The following SCAF1 variants were observed in gnomAD, a reference collection of about 807,000 sequenced individuals.
The protein encoded by SCAF1 is SR-related CTD associated factor 1.
SCAF1 carries 28 observed loss-of-function variants against 91.2 expected under a neutral mutation model. That is an observed-to-expected ratio of 0.31 (90% confidence interval 0.23 to 0.42). The LOEUF (loss-of-function observed/expected upper bound fraction) is 0.42, where lower values mean the gene tolerates loss of function less well. Ranked by LOEUF, SCAF1 falls within the 10% of genes least tolerant of loss-of-function variation. The pLI, the probability that SCAF1 is intolerant of heterozygous loss-of-function variation, is 1.00. For missense variants in SCAF1, 1,893 were observed against 1,872.1 expected, an observed-to-expected ratio of 1.01 and a Z score of -0.21; for synonymous variants, 1,036 against 833.7, an observed-to-expected ratio of 1.24 and a Z score of -4.18.
chr19:49,654,061 G>A (rs1478989718), intron 7 of SCAF1, among the ~76,000 whole-genome samples: 1 of 152,174 alleles, frequency 6.6e-6, no homozygotes, highest in African/African-American at 2.4e-5. Flanking sequence ...GAGAGAGGTT[G>A]GGACTGGCCA....
Position 49,653,249 on chromosome 19 carries a change from G to T in SCAF1, c.2860G>T (p.Ala954Ser). 2 of 1,492,398 alleles carry T rather than the reference G, an allele frequency of 1.3e-6. No homozygotes were observed. Among genetic ancestry groups the T allele is most frequent in the Non-Finnish European group, 1.8e-6 (2 of 1,119,424 alleles). The allele number at this position is 1,492,398 out of a possible 1,614,324, so 92.4% of individuals were successfully genotyped here. The change falls in exon 7 of 11, where the codon GCA (alanine) becomes TCA (serine). Residue 954 changes from alanine to serine, a missense_variant. By Grantham distance (99) the Ala-to-Ser change is moderately conservative. Transcript: ENST00000360565. ...CAAGGCGGATAGCTGCAGCCAGGCG[G>T]CAGGCACCAAGGGGGCGGAGGAGAC... The part of the protein sequence containing the change: ...KSKADSCSQA[A>S]GTKGAEETSW...
chr19:49,650,779 C>A, intron 6 of SCAF1, 89 bp from the exon 7 acceptor site: 1 of 1,044,248 alleles, frequency 9.6e-7, no homozygotes, highest in Non-Finnish European at 1.4e-6. Context: ...GACCTGGTGG[C>A]CCAGGGAGTG....
In SCAF1 at chr19:49,655,793, C is replaced by G. The variant is rs576498402; in HGVS notation, c.3618+923C>G. 1.1e-3 allele frequency among the ~76,000 whole-genome samples: 165 copies of G among 152,302 alleles called. 1 individual carries two copies. The highest frequency in any genetic ancestry group is 9.2e-3 in the Admixed American group (141 of 15,302). ...TCAAGGGATCCTCCTACGTCAGCAT[C>G]CTGTGTAGCTAGGACTACAGGCACG... is the stretch of plus-strand genomic sequence containing the variant. On this transcript the variant is annotated intron_variant, in intron 9 of 10. Transcript: ENST00000360565.
At chr19:49,647,311 C>T (rs918398536) in intron 6 of SCAF1, among the ~76,000 whole-genome samples, 2 of 152,232 alleles carry the variant, frequency 1.3e-5, no homozygotes, top group African/African-American at 4.8e-5. Flanking sequence ...CAACGGTAAC[C>T]CTGTGAGCCC....
Position 49,652,520 on chromosome 19 carries a change from G to A in SCAF1, c.2131G>A (p.Asp711Asn). ...IKRTITVGRL[D>N]KSDPRGPSPA... ...GCGGACCATCACGGTGGGCCGGCTT[G>A]ACAAGTCCGACCCCCGAGGACCCTC... Residue 711 changes from aspartate (D) to asparagine (N), a missense_variant, in exon 7 of 11, where the codon GAC (aspartate) becomes AAC (asparagine). Physicochemically the swap from Asp to Asn is conservative, Grantham distance 23. This residue lies in a region of SCAF1 where 1,436 missense variants were observed against 1,306.8 expected (regional missense o/e 1.10). Transcript: ENST00000360565. 6.4e-7 allele frequency: 1 copy of A among 1,573,898 alleles called. No homozygotes were observed. The highest frequency in any genetic ancestry group is 8.6e-7 in the Non-Finnish European group (1 of 1,159,606).
rs1167911917 is a variant in SCAF1 at position 49,652,127 on chromosome 19, TCCCGCTCCA to T, written c.1744_1752del (p.Ser582_Arg584del). The T allele has an allele frequency of 2.5e-5, 28 of 1,119,124 alleles. No individual in the cohort carries two copies. The African/African-American group carries it at 5.0e-4, about 20-fold the overall frequency. 69.3% of individuals were successfully genotyped at this position (1,119,124 alleles called of 1,614,324 possible). On this transcript the variant is annotated inframe_deletion, in exon 7 of 11. Transcript: ENST00000360565. ...CCGCCGCTCCCGCTCCCGCTCCCGCTCCCGCTCCACCCGCCGCCGCTCGCGCAGCACCGA... is the reference window on the plus strand; with the variant it reads ...CCGCCGCTCCCGCTCCCGCTCCCGCTCCCGCCGCCGCTCGCGCAGCACCGA...
rs1023560735 is a variant in SCAF1 at position 49,651,437 on chromosome 19, C to T, written c.1048C>T (p.Arg350Trp). 20 of 1,597,016 alleles carry T rather than the reference C, an allele frequency of 1.3e-5. No individual in the cohort carries two copies. Among genetic ancestry groups the T allele is most frequent in the Non-Finnish European group, 1.7e-5 (20 of 1,172,358 alleles). ...CACCCGGGCTGATGGAGCCATGCGC[C>T]GGCGGGTCTTCGTGGTGGGGACCGA... ...DSTRADGAMR[R>W]RVFVVGTEAE... The change falls in exon 7 of 11, where the codon CGG becomes TGG. Residue 350 changes from arginine (R) to tryptophan (W), a missense_variant. This residue lies in a region of SCAF1 where 1,436 missense variants were observed against 1,306.8 expected (regional missense o/e 1.10). Coordinates refer to ENST00000360565, the MANE Select transcript of SCAF1 (RefSeq NM_021228.3).
In SCAF1 at chr19:49,652,446, T is replaced by A; in HGVS notation, c.2057T>A (p.Val686Glu). ...GDRDSRRRGA[V>E]PPSIQDLTDH... ...CGCGACAGCCGCCGCCGGGGGGCCG[T>A]GCCACCCTCCATCCAGGACCTCACG... The change falls in exon 7 of 11, where the codon GTG becomes GAG. Residue 686 changes from valine (V) to glutamate (E), a missense_variant. Val to Glu is a moderately radical substitution (Grantham distance 121). Around this residue, in one of 5 missense-constraint regions of SCAF1, gnomAD observed 1,436 missense variants for 1,306.8 expected, o/e 1.10. Coordinates refer to ENST00000360565, the MANE Select transcript of SCAF1 (RefSeq NM_021228.3). The A allele has an allele frequency of 6.2e-7, 1 of 1,601,810 alleles. No individual in the cohort carries two copies. Among genetic ancestry groups the A allele is most frequent in the Non-Finnish European group, 8.5e-7 (1 of 1,177,990 alleles).
Position 49,645,977 on chromosome 19 carries a change from A to G in SCAF1, c.167-131A>G. 5.1e-6 allele frequency: 4 copies of G among 781,342 alleles called. No individual in the cohort carries two copies. Among genetic ancestry groups the G allele is most frequent in the Middle Eastern group, 2.3e-4 (1 of 4,416 alleles). The allele number at this position is 781,342 out of a possible 1,614,324, so 48.4% of individuals were successfully genotyped here. ...GGGAAGTCCTCCTGGGAGGTGGCGC[A>G]TGGAGGCCTGGAGAGCATGCGGGAG... is the stretch of plus-strand genomic sequence containing the variant. On this transcript the variant is annotated intron_variant, in intron 3 of 10. Transcript: ENST00000360565. This position sits in a 1 kb window ranked among gnomAD's most constrained non-coding sequence, Gnocchi z 4.6.
At position 49,652,100 on chromosome 19, in the gene SCAF1, C is replaced by T. The variant is rs748497181; in HGVS notation, c.1711C>T (p.Arg571Cys). 6 of 1,127,970 alleles carry T rather than the reference C, an allele frequency of 5.3e-6. No individual in the cohort carries two copies. Among genetic ancestry groups the T allele is most frequent in the African/African-American group, 2.7e-5 (1 of 37,434 alleles). The allele number at this position is 1,127,970 out of a possible 1,614,324, so 69.9% of individuals were successfully genotyped here. A position where few individuals can be genotyped will look rare whatever the true frequency, so the allele number is the denominator to read the frequency against. The change falls in exon 7 of 11, where the codon CGC becomes TGC. Residue 571 changes from arginine to cysteine, a missense_variant. Transcript: ENST00000360565. Reference sequence around the variant, plus strand: ...CGGCTCCCACGCCTCGTCGTCCGCCCGCCGCCGCTCCCGCTCCCGCTCCCG... The same window carrying T: ...CGGCTCCCACGCCTCGTCGTCCGCCTGCCGCCGCTCCCGCTCCCGCTCCCG... ...KPGSHASSSA[R>C]RRSRSRSRSR...
chr19:49,646,841 C>T lies in SCAF1; in HGVS notation c.478+11C>T. Reference sequence around the variant, plus strand: ...GGACGGGCAAAACGGGTATGTGGGGCCAGGGCGGAGCTGGGCAGGTGGTCG... The same window carrying T: ...GGACGGGCAAAACGGGTATGTGGGGTCAGGGCGGAGCTGGGCAGGTGGTCG... On this transcript the variant is annotated intron_variant, in intron 6 of 10. Transcript: ENST00000360565. This position sits in a 1 kb window ranked among gnomAD's most constrained non-coding sequence, Gnocchi z 5.6. 6.2e-7 allele frequency: 1 copy of T among 1,601,470 alleles called. No individual in the cohort carries two copies. Among genetic ancestry groups the T allele is most frequent in the Non-Finnish European group, 8.5e-7 (1 of 1,173,210 alleles).
chr19:49,644,730 A>C (rs981930624), intron 1 of SCAF1: 8 of 260,260 alleles, frequency 3.1e-5, no homozygotes, highest in Non-Finnish European at 5.9e-5. Context: ...AGCTGCGGGA[A>C]TTGAGGAGTG....
chr19:49,654,518 TG>T, intron 8 of SCAF1, 87 bp downstream of exon 8: 2 of 1,422,060 alleles, frequency 1.4e-6, no homozygotes, highest in Non-Finnish European at 2.0e-6. Flanking sequence ...CTGGCAGCTC[TG>T]GGGCAAGGTA....
At position 49,654,329 on chromosome 19, in the gene SCAF1, C is replaced by A; in HGVS notation, c.3317-20C>A. 2 of 1,610,102 alleles carry A rather than the reference C, an allele frequency of 1.2e-6. No homozygotes were observed. Among genetic ancestry groups the A allele is most frequent in the South Asian group, 1.1e-5 (1 of 90,752 alleles). On this transcript the variant is annotated intron_variant, in intron 7 of 10. Transcript: ENST00000360565. ...GTCACCTCTCCCATCTTCATGTTGT[C>A]ACCTCTCTGCCTCCTGCAGTGACTG...
chr19:49,656,725 T>TCATCCCATGGC (rs2122522784), intron 9 of SCAF1, among the ~76,000 whole-genome samples: 1 of 152,294 alleles, frequency 6.6e-6, no homozygotes, highest in South Asian at 2.1e-4. Context: ...CCTCCCCTTT[T>TCATCCCATGGC]CATCCCATGG....
chr19:49,641,733 T>A (rs1271987644), upstream of SCAF1, among the ~76,000 whole-genome samples: 1 of 152,214 alleles, frequency 6.6e-6, no homozygotes, highest in African/African-American at 2.4e-5. Flanking sequence ...TGTGCGCCAC[T>A]GCATCCCGTC....
chr19:49,654,480 G>A, intron 8 of SCAF1, 49 bp downstream of exon 8: 1 of 1,571,724 alleles, frequency 6.4e-7, no homozygotes, highest in Non-Finnish European at 8.7e-7. Context: ...TTTGTCCATT[G>A]CCTCGGGTTA....
chr19:49,653,567 A>G lies in SCAF1; in HGVS notation c.3178A>G (p.Ser1060Gly). 6.3e-7 allele frequency: 1 copy of G among 1,588,766 alleles called. No homozygotes were observed. The highest frequency in any genetic ancestry group is 8.5e-7 in the Non-Finnish European group (1 of 1,171,830). Reference sequence around the variant, plus strand: ...TGCAGCCGCCCCAAGCACTGCCCCCAGCGCGGGGTCCACAGCCGGTGACTC... The same window carrying G: ...TGCAGCCGCCCCAAGCACTGCCCCCGGCGCGGGGTCCACAGCCGGTGACTC... ...TAAAAPSTAP[S>G]AGSTAGDSGA... The change falls in exon 7 of 11, where the codon AGC becomes GGC. Residue 1060 changes from serine to glycine, a missense_variant. Physicochemically the swap from Ser to Gly is moderately conservative, Grantham distance 56. Coordinates refer to ENST00000360565, the MANE Select transcript of SCAF1 (RefSeq NM_021228.3).
intron 9 of SCAF1, among the ~76,000 whole-genome samples, chr19:49,655,999 C>A (rs1159587362): frequency 1.3e-5 from 2 of 152,324 alleles, no homozygotes; most frequent in East Asian, 1.9e-4. Context: ...GTCTAGTAGC[C>A]CATAGCCAGA....
Sources: gnomAD v4.1 joint callset for allele counts (sites outside exome capture counted in the v4.1 genomes callset) on GRCh38, gnomAD v4.1.1 for gene constraint, gnomAD v4.1.1 regional missense constraint, Gnocchi (gnomAD v3.1) non-coding constraint, MANE v1.5 for transcripts, NCBI Gene and HGNC (gene_info 2026-07-23, HGNC 2026-07-21) for gene names.